The following TEX36 variants were observed in gnomAD, a reference collection of about 807,000 sequenced individuals.
TEX36 encodes testis expressed 36, also known as testis-expressed protein 36.
Under a neutral mutation model 13.6 loss-of-function variants are expected in TEX36, and 12 were observed. That is an observed-to-expected ratio of 0.88 (90% CI 0.56 to 1.43). The LOEUF (loss-of-function observed/expected upper bound fraction) is 1.43, where lower values mean the gene tolerates loss of function less well. TEX36 is among the 40% of genes most tolerant of loss of function. The pLI, the probability that TEX36 is intolerant of heterozygous loss-of-function variation, is 0.00. For synonymous variants in TEX36, 93 were observed against 83.0 expected (o/e 1.12, Z -0.65); for missense variants, 224 against 228.3 (o/e 0.98, Z 0.12).
At chr10:125,588,717 C>A (rs1030795149) in intron 3 of TEX36, among the ~76,000 whole-genome samples, 1 of 152,178 alleles carries the variant, frequency 6.6e-6, no homozygotes, top group Non-Finnish European at 1.5e-5. Context: ...CGGGTTCAAG[C>A]GATTCTCCTG....
chr10:125,649,941 A>T (rs753822691), intron 3 of TEX36, among the ~76,000 whole-genome samples: 29 of 152,228 alleles, frequency 1.9e-4, no homozygotes, highest in Non-Finnish European at 3.4e-4. Flanking sequence ...TATCAAGAAG[A>T]GCTAACTATC....
At chr10:125,673,120 A>C (rs1038428209) in intron 1 of TEX36, among the ~76,000 whole-genome samples, 2 of 152,198 alleles carry the variant, frequency 1.3e-5, no homozygotes, top group South Asian at 4.1e-4. Context: ...CATTTAGCCC[A>C]TTTACATTTA....
At chr10:125,638,470 C>T (rs1846646172) in intron 3 of TEX36, among the ~76,000 whole-genome samples, 3 of 152,062 alleles carry the variant, frequency 2.0e-5, no homozygotes, top group South Asian at 4.2e-4. Context: ...AAATGGATTC[C>T]CCCTGGACCC....
chr10:125,579,831 G>A (rs1845864089), intron 3 of TEX36, among the ~76,000 whole-genome samples: 1 of 152,050 alleles, frequency 6.6e-6, no homozygotes, highest in African/African-American at 2.4e-5. Context: ...GTTTCCTGAG[G>A]CCTCCCCAGC....
intron 3 of TEX36, chr10:125,640,105 T>C: frequency 1.0e-6 from 1 of 967,256 alleles, no homozygotes; most frequent in Non-Finnish European, 1.2e-6. Flanking sequence ...TGAGCAAAGT[T>C]GTTTTTTCCG....
At position 125,577,433 on chromosome 10, in the gene TEX36, AG is replaced by A. The variant is rs202117667; in HGVS notation, c.265-560del. ...AGCATCACTTTAGCCTGGGAGGCAG[AG>A]GTTGCATTGAGCTGAGATTGCACCA... On this transcript the variant is annotated intron_variant, in intron 3 of 3. Coordinates refer to the TEX36 transcript ENST00000532135. 9.3e-3 allele frequency among the ~76,000 whole-genome samples: 1,416 copies of A among 152,326 alleles called. 19 individuals are homozygous for A. The highest frequency in any genetic ancestry group is 0.032 in the African/African-American group (1,328 of 41,568).
chr10:125,605,506 G>T (rs1470026186), intron 3 of TEX36, among the ~76,000 whole-genome samples: 1 of 152,220 alleles, frequency 6.6e-6, no homozygotes, highest in South Asian at 2.1e-4. Context: ...CAGCAATGTG[G>T]TAAGTGCTTT....
chr10:125,621,680 A>G (rs1299451835), intron 3 of TEX36: 3 of 455,986 alleles, frequency 6.6e-6, no homozygotes, highest in Non-Finnish European at 8.8e-6. Context: ...AGCTCAGTTC[A>G]AGTCTGAAAG....
chr10:125,624,027 T>C (rs1385716588), intron 3 of TEX36, among the ~76,000 whole-genome samples: 1 of 152,242 alleles, frequency 6.6e-6, no homozygotes, highest in Non-Finnish European at 1.5e-5. Flanking sequence ...TCCCTCTTGA[T>C]ATCATTAATT....
intron 3 of TEX36, among the ~76,000 whole-genome samples, chr10:125,577,914 A>G (rs761300659): frequency 1.3e-5 from 2 of 152,244 alleles, no homozygotes; most frequent in Non-Finnish European, 2.9e-5. Context: ...AAGAAAGATT[A>G]AAAAGGGCAG....
chr10:125,656,318 A>G lies in TEX36; in HGVS notation c.265-122T>C, dbSNP rs769845763. The stretch of plus-strand genomic sequence containing the variant: ...GTCACCCAGGCCAGAGTTCAGTGGC[A>G]CGATCTCAGCTCACTGCAGCCTCTG... On this transcript the variant is annotated intron_variant, in intron 3 of 3. Transcript: ENST00000368821. 180 of 933,988 alleles carry G rather than the reference A, an allele frequency of 1.9e-4. 1 individual carries two copies. The highest frequency in any genetic ancestry group is 2.5e-4 in the Non-Finnish European group (170 of 692,978). The allele number at this position is 933,988 out of a possible 1,614,324, so 57.9% of individuals were successfully genotyped here.
intron 3 of TEX36, among the ~76,000 whole-genome samples, chr10:125,614,629 C>A (rs1846334563): frequency 6.6e-6 from 1 of 151,996 alleles, no homozygotes; most frequent in African/African-American, 2.4e-5. Flanking sequence ...CTGTTCTGTT[C>A]CATTGATCTA....
chr10:125,657,794 A>G (rs1846971761), intron 3 of TEX36, among the ~76,000 whole-genome samples: 1 of 152,226 alleles, frequency 6.6e-6, no homozygotes, highest in Non-Finnish European at 1.5e-5. Context: ...CCAACACAGC[A>G]GCCCTGGAAC....
At chr10:125,602,466 G>A (rs1308467102) in intron 3 of TEX36, among the ~76,000 whole-genome samples, 1 of 152,140 alleles carries the variant, frequency 6.6e-6, no homozygotes, top group African/African-American at 2.4e-5. Context: ...CCCGTCTCGT[G>A]CTGTTCCCCT....
downstream of TEX36, among the ~76,000 whole-genome samples, chr10:125,618,200 CA>C (rs1451618049): frequency 2.6e-5 from 4 of 152,064 alleles, no homozygotes; most frequent in Non-Finnish European, 5.9e-5. Context: ...AAATTTTTTT[CA>C]AAGTTTTCAA....
intron 3 of TEX36, among the ~76,000 whole-genome samples, chr10:125,586,606 A>G (rs902253058): frequency 7.4e-6 from 1 of 134,952 alleles, no homozygotes; most frequent in Admixed American, 8.7e-5. Flanking sequence ...CCTGAACAAC[A>G]TTGTGAAACT....
At chr10:125,664,873 C>T (rs1847099493) in intron 1 of TEX36, among the ~76,000 whole-genome samples, 1 of 152,170 alleles carries the variant, frequency 6.6e-6, no homozygotes, top group African/African-American at 2.4e-5. Context: ...TCCTCACCAG[C>T]ATTTGTGATT....
At chr10:125,601,508 G>A (rs1846146387) in intron 3 of TEX36, among the ~76,000 whole-genome samples, 1 of 152,244 alleles carries the variant, frequency 6.6e-6, no homozygotes, top group Non-Finnish European at 1.5e-5. Flanking sequence ...CCCTGCTGGG[G>A]GATATTAGCT....
At chr10:125,604,731 G>A (rs978799640) in intron 3 of TEX36, among the ~76,000 whole-genome samples, 1 of 152,148 alleles carries the variant, frequency 6.6e-6, no homozygotes, top group African/African-American at 2.4e-5. Context: ...AGAATTGCTT[G>A]AACCCAGGAG....
Sources: allele counts gnomAD v4.1 joint callset (sites outside exome capture counted in the v4.1 genomes callset), GRCh38; gene constraint gnomAD v4.1.1; transcripts MANE v1.5; gene names NCBI Gene and HGNC (gene_info 2026-07-23, HGNC 2026-07-21).